The following TNFRSF1A variants were observed in gnomAD, a reference collection of about 807,000 sequenced individuals.
The protein encoded by TNFRSF1A is TNF receptor superfamily member 1A, also known as tumor necrosis factor receptor superfamily member 1A.
Under a neutral mutation model 41.6 loss-of-function variants are expected in TNFRSF1A, and 9 were observed. That is an observed-to-expected ratio of 0.22 (90% CI 0.13 to 0.38). The LOEUF is 0.38. TNFRSF1A is among the 10% of genes least tolerant of loss of function. The pLI is 1.00. For synonymous variants in TNFRSF1A, 254 were observed against 248.6 expected (o/e 1.02, Z -0.21); for missense variants, 463 against 591.5 (o/e 0.78, Z 2.25).
At chr12:6,335,372 C>G (rs1240968301) in intron 1 of TNFRSF1A, among the ~76,000 whole-genome samples, 2 of 152,142 alleles carry the variant, frequency 1.3e-5, no homozygotes, top group Non-Finnish European at 2.9e-5. Flanking sequence ...GGCTAGCGAC[C>G]CAGCTTGGAT....
intron 1 of TNFRSF1A, among the ~76,000 whole-genome samples, chr12:6,336,312 A>G (rs984898086): frequency 6.6e-6 from 1 of 152,064 alleles, no homozygotes; most frequent in African/African-American, 2.4e-5. Context: ...CAGATCCGGG[A>G]AAGGGAAATC....
chr12:6,331,608 G>A (rs915036576), intron 5 of TNFRSF1A: 1 of 168,994 alleles, frequency 5.9e-6, no homozygotes, highest in African/African-American at 2.4e-5. Context: ...AGGAACTTGA[G>A]AGAGTGAGTT....
chr12:6,330,093 T>A (rs1426548522), intron 8 of TNFRSF1A, 27 bp from the exon 9 acceptor site: 3 of 1,612,064 alleles, frequency 1.9e-6, no homozygotes, highest in Non-Finnish European at 2.5e-6. Context: ...GGCGCAGCAT[T>A]AGTGCGGCAG....
Position 6,341,038 on chromosome 12 carries a change from A to T in TNFRSF1A, c.39+738T>A, listed in dbSNP as rs1003910247. Among the ~76,000 whole-genome samples, 1 of 152,146 alleles carries T rather than the reference A, an allele frequency of 6.6e-6. No individual in the cohort carries two copies. The highest frequency in any genetic ancestry group is 1.5e-5 in the Non-Finnish European group (1 of 68,012). ...GGGACACTGACCAGGTGGGGGTAGG[A>T]CTAGCTCCCTGGGAAGGCTCAGTCC... is the stretch of plus-strand genomic sequence containing the variant. On this transcript the variant is annotated intron_variant, in intron 1 of 9. Transcript: ENST00000162749. The surrounding 1 kb of genome is among the most constrained non-coding windows in gnomAD (Gnocchi z 4.6).
In TNFRSF1A at chr12:6,330,272, T is replaced by C. The variant is rs758417636; in HGVS notation, c.763A>G (p.Lys255Glu). 5 of 1,613,964 alleles carry C rather than the reference T, an allele frequency of 3.1e-6. No individual in the cohort carries two copies. Among genetic ancestry groups the C allele is most frequent in the Admixed American group, 1.7e-5 (1 of 60,006 alleles). ...SIVCGKSTPE[K>E]EGELEGTTTK... ...ACTCTCTCATTTCATCTCACCTCTT[T>C]TTCAGGTGTCGATTTCCCACAAACT... Residue 255 changes from lysine to glutamate, a missense_variant, in exon 8 of 10, where the codon AAA (lysine) becomes GAA (glutamate). Coordinates refer to ENST00000162749, the MANE Select transcript of TNFRSF1A (RefSeq NM_001065.4).
At chr12:6,332,978 T>C in intron 5 of TNFRSF1A, 91 bp downstream of exon 5, 1 of 1,189,696 alleles carries the variant, frequency 8.4e-7, no homozygotes. Context: ...TGGGGCATCC[T>C]GGCATCTGTT....
rs376365665 is a variant in TNFRSF1A, at chr12:6,330,371, G to A, written c.740-76C>T. 86 of 1,413,856 alleles carry A rather than the reference G, an allele frequency of 6.1e-5. 1 individual carries two copies. The African/African-American group carries it at 9.9e-4, about 16-fold the overall frequency. The allele number at this position is 1,413,856 out of a possible 1,614,324, so 87.6% of individuals were successfully genotyped here. On this transcript the variant is annotated intron_variant, in intron 7 of 9. Coordinates refer to ENST00000162749, the MANE Select transcript of TNFRSF1A (RefSeq NM_001065.4). Reference sequence around the variant, plus strand: ...TGGCACCCTGGACTCAGCTGGCAGTGGGGACTTGTGGTGACATGCCTCAGG... The same window carrying A: ...TGGCACCCTGGACTCAGCTGGCAGTAGGGACTTGTGGTGACATGCCTCAGG...
rs1555107861 is a variant in TNFRSF1A, at chr12:6,332,454, AAC to A, written c.551+613_551+614del. On this transcript the variant is annotated intron_variant, in intron 5 of 9. Coordinates refer to ENST00000162749, the MANE Select transcript of TNFRSF1A (RefSeq NM_001065.4). ...GTCTCAAAAAAAAAAAAAAAAAAAA[AAC>A]ACCAAAAGAAAAGTCAGGCTCAGAG... Among the ~76,000 whole-genome samples the A allele has an allele frequency of 1.8e-4, 10 of 56,832 alleles. 4 individuals carry two copies. The highest frequency in any genetic ancestry group is 1.6e-4 in the African/African-American group (2 of 12,626). 37.3% of individuals were successfully genotyped at this position (56,832 alleles called of 152,430 possible). A position where few individuals can be genotyped will look rare whatever the true frequency, so the allele number is the denominator to read the frequency against.
Position 6,333,187 on chromosome 12 carries a change from T to G in TNFRSF1A, c.473-40A>C, listed in dbSNP as rs1254327488. Reference sequence around the variant, plus strand: ...GCGGCACAGCTAAAGGAGAAGCGCCTGCACCCCCACCCCACAGGACAGAGG... The same window carrying G: ...GCGGCACAGCTAAAGGAGAAGCGCCGGCACCCCCACCCCACAGGACAGAGG... On this transcript the variant is annotated intron_variant, in intron 4 of 9. Coordinates refer to ENST00000162749, the MANE Select transcript of TNFRSF1A (RefSeq NM_001065.4). The surrounding 1 kb of genome is among the most constrained non-coding windows in gnomAD (Gnocchi z 6.3). 1 of 1,602,220 alleles carries G rather than the reference T, an allele frequency of 6.2e-7. No individual in the cohort carries two copies. The highest frequency in any genetic ancestry group is 1.1e-5 in the South Asian group (1 of 90,464).
intron 9 of TNFRSF1A, 44 bp from the exon 10 acceptor site, chr12:6,329,666 C>A: frequency 6.4e-7 from 1 of 1,552,874 alleles, no homozygotes; most frequent in Non-Finnish European, 8.7e-7. Flanking sequence ...CAACCCCAGG[C>A]CCCGCCCCGC....
chr12:6,338,393 T>G (rs952151600), intron 1 of TNFRSF1A, among the ~76,000 whole-genome samples: 3 of 152,022 alleles, frequency 2.0e-5, no homozygotes, highest in African/African-American at 7.3e-5. Flanking sequence ...CACACCTGGG[T>G]TATTGCAAGT....
In TNFRSF1A at chr12:6,329,886, G is replaced by C. The variant is rs201619736; in HGVS notation, c.949C>G (p.Pro317Ala). 6.3e-6 allele frequency: 10 copies of C among 1,586,700 alleles called. No individual in the cohort carries two copies. The East Asian group carries it at 2.3e-4, about 36-fold the overall frequency. Residue 317 changes from proline to alanine, a missense_variant, in exon 9 of 10, where the codon CCC (proline) becomes GCC (alanine). Physicochemically the swap from Pro to Ala is conservative, Grantham distance 27. Coordinates refer to ENST00000162749, the MANE Select transcript of TNFRSF1A (RefSeq NM_001065.4). ...AGGATGGGGTCAGCCCCCTGATAGG[G>C]TGGTGCCACCTCTCTGCGGGGAGCC... is the stretch of plus-strand genomic sequence containing the variant. ...FAAPRREVAP[P>A]YQGADPILAT...
intron 6 of TNFRSF1A, 66 bp downstream of exon 6, chr12:6,330,787 T>C: frequency 6.3e-7 from 1 of 1,579,274 alleles, no homozygotes; most frequent in Non-Finnish European, 8.7e-7. Flanking sequence ...GTGGGATGGA[T>C]GGACGGGTGG....
chr12:6,332,954 G>T, intron 5 of TNFRSF1A, 115 bp downstream of exon 5: 1 of 892,816 alleles, frequency 1.1e-6, no homozygotes. Context: ...CAGCCAGTAG[G>T]ACCCTGAGCA....
chr12:6,335,797 G>C (rs34819705), intron 1 of TNFRSF1A, among the ~76,000 whole-genome samples: 19,055 of 152,168 alleles, frequency 0.13, 1,270 homozygotes, highest in South Asian at 0.22. Context: ...GTCACCCTGA[G>C]TCAGCCACGG....
rs1948025996 is a variant in TNFRSF1A, at chr12:6,330,171, C to T, written c.768+96G>A. ...GACTTAGAGGGAATGAGGCGAGCCCCCGGAAAGTGAAGGATGATTCCAGGG... is the reference window on the plus strand; with the variant it reads ...GACTTAGAGGGAATGAGGCGAGCCCTCGGAAAGTGAAGGATGATTCCAGGG... On this transcript the variant is annotated intron_variant, in intron 8 of 9. Coordinates refer to ENST00000162749, the MANE Select transcript of TNFRSF1A (RefSeq NM_001065.4). 3.1e-5 allele frequency: 50 copies of T among 1,612,482 alleles called. 2 individuals carry two copies. In the South Asian group the frequency reaches 5.3e-4, roughly 17 times the overall value.
At chr12:6,339,921 A>T (rs992272889) in intron 1 of TNFRSF1A, among the ~76,000 whole-genome samples, 3 of 151,398 alleles carry the variant, frequency 2.0e-5, no homozygotes, top group African/African-American at 7.3e-5. Flanking sequence ...ATTCAGAAGG[A>T]TGTTGCATTC....
At position 6,342,007 on chromosome 12, in the gene TNFRSF1A, A is replaced by G; in HGVS notation, c.-193T>C. 1 of 664,618 alleles carries G rather than the reference A, an allele frequency of 1.5e-6. No homozygotes were observed. The highest frequency in any genetic ancestry group is 2.2e-5 in the Admixed American group (1 of 45,492). The allele number at this position is 664,618 out of a possible 1,614,324, so 41.2% of individuals were successfully genotyped here. On this transcript the variant is annotated 5_prime_UTR_variant, in exon 1 of 10. Coordinates refer to ENST00000162749, the MANE Select transcript of TNFRSF1A (RefSeq NM_001065.4). ...CTTGAACCCCAAAGGCCAGAACTGG[A>G]GCCTCAGTCCAGAGAATTCTGAGAA...
chr12:6,341,649 C>A lies in TNFRSF1A; in HGVS notation c.39+127G>T, dbSNP rs538101703. 2.8e-4 allele frequency: 309 copies of A among 1,103,022 alleles called. No homozygotes were observed. The highest frequency in any genetic ancestry group is 4.0e-4 in the Non-Finnish European group (295 of 743,298). 68.3% of individuals were successfully genotyped at this position (1,103,022 alleles called of 1,614,324 possible). On this transcript the variant is annotated intron_variant, in intron 1 of 9. Transcript: ENST00000162749. The surrounding 1 kb of genome is among the most constrained non-coding windows in gnomAD (Gnocchi z 4.6). ...TGGCAGTGGCTGAGGTTAGGACCTG[C>A]AGGCCTGAGGCTGGCGCCAGGACCA...
Sources: gnomAD v4.1 joint callset for allele counts (sites outside exome capture counted in the v4.1 genomes callset) on GRCh38, gnomAD v4.1.1 for gene constraint, Gnocchi (gnomAD v3.1) non-coding constraint, MANE v1.5 for transcripts, NCBI Gene and HGNC (gene_info 2026-07-23, HGNC 2026-07-21) for gene names.